Variants in VCAN observed in about 807,000 individuals in gnomAD.
VCAN encodes versican, also known as versican core protein.
A neutral mutation model predicts 245.5 loss-of-function variants in VCAN; 44 were observed. The ratio of observed to expected loss-of-function variants is 0.18; its 90% CI spans 0.14 to 0.23. The LOEUF is 0.23. Among genes scored for constraint, VCAN ranks in the 10% least tolerant of loss-of-function variants. The pLI, the probability that VCAN is intolerant of heterozygous loss-of-function variation, is 1.00. For synonymous variants in VCAN, 1,413 were observed against 1,437.0 expected (o/e 0.98, Z 0.38); for missense variants, 3,793 against 4,057.9 (o/e 0.93, Z 1.77).
chr5:83,534,723 T>C (rs531013700), intron 7 of VCAN, among the ~76,000 whole-genome samples: 1 of 152,236 alleles, frequency 6.6e-6, no homozygotes, highest in East Asian at 1.9e-4. Context: ...TTCAACTATA[T>C]TCAAATAGTT....
chr5:83,513,622 A>T (rs1171145856), intron 6 of VCAN, among the ~76,000 whole-genome samples: 2 of 152,228 alleles, frequency 1.3e-5, no homozygotes, highest in Admixed American at 6.5e-5. Flanking sequence ...CGCTCCATAA[A>T]GACTGTAGAA....
In VCAN at chr5:83,538,940, C is replaced by T; in HGVS notation, c.5937C>T (p.His1979=). 1 of 1,614,010 alleles carries T rather than the reference C, an allele frequency of 6.2e-7. No homozygotes were observed. Among genetic ancestry groups the T allele is most frequent in the South Asian group, 1.1e-5 (1 of 91,078 alleles). Residue 1979 remains histidine (H), a synonymous_variant, in exon 8 of 15, where the codon CAC becomes CAT. Coordinates refer to ENST00000265077, the MANE Select transcript of VCAN (RefSeq NM_004385.5). ...TSPSTVPTSV[H]ISHISDSEGP... ...CATCTACAGTACCTACTTCAGTTCA[C>T]ATCAGTCACATATCTGACTCAGAAG...
chr5:83,522,316 C>G lies in VCAN; in HGVS notation c.4003+7C>G, dbSNP rs1278586834. 1.9e-6 allele frequency: 3 copies of G among 1,597,926 alleles called. No individual in the cohort carries two copies. Among genetic ancestry groups the G allele is most frequent in the African/African-American group, 1.3e-5 (1 of 74,880 alleles). ...GTCAGAGAAAATAAGACAGGTAAGTCTTTGCTTTCTAGACTAGCATTGAAG... is the reference window on the plus strand; with the variant it reads ...GTCAGAGAAAATAAGACAGGTAAGTGTTTGCTTTCTAGACTAGCATTGAAG... On this transcript the variant is annotated splice_region_variant and intron_variant, in intron 7 of 14. Transcript: ENST00000265077.
chr5:83,540,567 G>T lies in VCAN; in HGVS notation c.7564G>T (p.Asp2522Tyr). 6.2e-7 allele frequency: 1 copy of T among 1,613,832 alleles called. No individual in the cohort carries two copies. The highest frequency in any genetic ancestry group is 8.5e-7 in the Non-Finnish European group (1 of 1,179,942). Residue 2522 changes from aspartate to tyrosine, a missense_variant, in exon 8 of 15, where the codon GAC becomes TAC. Around this residue, in one of 5 missense-constraint regions of VCAN, gnomAD observed 3,182 missense variants for 3,250.3 expected, o/e 0.98. Coordinates refer to ENST00000265077, the MANE Select transcript of VCAN (RefSeq NM_004385.5). ...YERSTDGSFQ[D>Y]RFREFEDSTL... ...GAGGTCCACAGACGGTAGTTTCCAA[G>T]ACCGTTTCAGGGAATTCGAGGATTC...
intron 5 of VCAN, among the ~76,000 whole-genome samples, chr5:83,495,147 A>T (rs1330775235): frequency 6.6e-6 from 1 of 152,202 alleles, no homozygotes; most frequent in Non-Finnish European, 1.5e-5. Flanking sequence ...ATATAAAAAG[A>T]ATGATCTGAA....
chr5:83,510,882 G>A (rs1245391900), intron 5 of VCAN, among the ~76,000 whole-genome samples: 1 of 152,130 alleles, frequency 6.6e-6, no homozygotes, highest in African/African-American at 2.4e-5. Context: ...TTGGGAGGCC[G>A]AGGCGGGTGG....
rs146794996 is a variant in VCAN at position 83,561,526 on chromosome 5, C to T, written c.9735+6488C>T. On this transcript the variant is annotated intron_variant, in intron 12 of 14. Coordinates refer to ENST00000265077, the MANE Select transcript of VCAN (RefSeq NM_004385.5). ...ATAGTTCAGCTTTGGCAACTTAATA[C>T]CTACAATTTCCAACACCCACTTGTC... Among the ~76,000 whole-genome samples, 4 of 152,204 alleles carry T rather than the reference C, an allele frequency of 2.6e-5. No individual in the cohort carries two copies. In the East Asian group the frequency reaches 7.7e-4, roughly 29 times the overall value.
At chr5:83,474,153 CAA>C (rs1340931037) in intron 1 of VCAN, among the ~76,000 whole-genome samples, 1 of 152,064 alleles carries the variant, frequency 6.6e-6, no homozygotes, top group Non-Finnish European at 1.5e-5. Context: ...GCTCCTAATC[CAA>C]AACTTAAACT....
intron 5 of VCAN, among the ~76,000 whole-genome samples, chr5:83,499,654 TAC>T (rs1745270052): frequency 6.6e-6 from 1 of 152,200 alleles, no homozygotes; most frequent in African/African-American, 2.4e-5. Flanking sequence ...TTCCCAGAGA[TAC>T]TCCTTTCTGG....
At chr5:83,481,456 T>G (rs558889383) in intron 1 of VCAN, among the ~76,000 whole-genome samples, 2 of 152,154 alleles carry the variant, frequency 1.3e-5, no homozygotes, top group African/African-American at 2.4e-5. Context: ...TTATTTTTCC[T>G]TAAAATATTG....
At chr5:83,528,989 TACACAC>T (rs58804437) in intron 7 of VCAN, among the ~76,000 whole-genome samples, 162 of 141,496 alleles carry the variant, frequency 1.1e-3, no homozygotes, top group African/African-American at 3.5e-3. Flanking sequence ...GAAACAAAGA[TACACAC>T]ACACACACAC....
At chr5:83,565,579 A>G (rs1748050293) in intron 12 of VCAN, among the ~76,000 whole-genome samples, 1 of 152,168 alleles carries the variant, frequency 6.6e-6, no homozygotes, top group South Asian at 2.1e-4. Context: ...GATTCTAAAC[A>G]GTGTCTGACT....
chr5:83,483,119 T>C (rs989590303), intron 1 of VCAN, among the ~76,000 whole-genome samples: 13 of 152,232 alleles, frequency 8.5e-5, no homozygotes, highest in African/African-American at 3.1e-4. Context: ...GCTGTCTGTT[T>C]CTAAATAGAC....
At position 83,542,169 on chromosome 5, in the gene VCAN, GCAA is replaced by G; in HGVS notation, c.9169_9171del (p.Thr3057del). 6.2e-7 allele frequency: 1 copy of G among 1,614,112 alleles called. No homozygotes were observed. The highest frequency in any genetic ancestry group is 8.5e-7 in the Non-Finnish European group (1 of 1,179,982). ...CCCTGTGGAATTTAATACTGAGGTT[GCAA>G]CACCACCATTTTCCCTTCTGGAGAC... On this transcript the variant is annotated inframe_deletion, in exon 8 of 15. Coordinates refer to ENST00000265077, the MANE Select transcript of VCAN (RefSeq NM_004385.5).
Position 83,540,221 on chromosome 5 carries a change from T to C in VCAN, c.7218T>C (p.Tyr2406=), listed in dbSNP as rs1402156295. 3.7e-6 allele frequency: 6 copies of C among 1,614,128 alleles called. No individual in the cohort carries two copies. Among genetic ancestry groups the C allele is most frequent in the Admixed American group, 1.7e-5 (1 of 60,002 alleles). The change falls in exon 8 of 15, where the codon TAT becomes TAC. Residue 2406 remains tyrosine (Y), a synonymous_variant. Coordinates refer to ENST00000265077, the MANE Select transcript of VCAN (RefSeq NM_004385.5). The part of the protein sequence containing the change: ...TSSTDFLARA[Y]GFEMAKEFVT... ...CTACTGATTTTCTGGCTAGAGCTTA[T>C]GGTTTTGAAATGGCCAAAGAATTTG...
chr5:83,537,205 A>G lies in VCAN; in HGVS notation c.4202A>G (p.Asp1401Gly). 1 of 1,613,738 alleles carries G rather than the reference A, an allele frequency of 6.2e-7. No individual in the cohort carries two copies. Among genetic ancestry groups the G allele is most frequent in the Non-Finnish European group, 8.5e-7 (1 of 1,179,902 alleles). The change falls in exon 8 of 15, where the codon GAT (aspartate) becomes GGT (glycine). Residue 1401 changes from aspartate to glycine, a missense_variant. Asp to Gly is a moderately conservative substitution (Grantham distance 94). Coordinates refer to ENST00000265077, the MANE Select transcript of VCAN (RefSeq NM_004385.5). ...GAAGAAGAGTGTGCAAATGCTACTG[A>G]TGTGACAACCACCCCATCTGTGCAG... ...EEEEECANATDVTTTPSVQYI... is the reference protein window; with the variant it reads ...EEEEECANATGVTTTPSVQYI...
At position 83,512,113 on chromosome 5, in the gene VCAN, C is replaced by G; in HGVS notation, c.759C>G (p.Phe253Leu). Reference protein sequence around the residue: ...CYVDHLDGDVFHLTVPSKFTF... With the variant: ...CYVDHLDGDVLHLTVPSKFTF... Reference sequence around the variant, plus strand: ...TTCTTTTTTTTCCAGGTGATGTGTTCCACCTCACTGTCCCCAGTAAATTCA... The same window carrying G: ...TTCTTTTTTTTCCAGGTGATGTGTTGCACCTCACTGTCCCCAGTAAATTCA... The change falls in exon 6 of 15, where the codon TTC becomes TTG. Residue 253 changes from phenylalanine to leucine, a missense_variant. By Grantham distance (22) the Phe-to-Leu change is conservative (BLOSUM62 0). This residue lies in a region of VCAN where 190 missense variants were observed against 288.6 expected (regional missense o/e 0.66). Coordinates refer to ENST00000265077, the MANE Select transcript of VCAN (RefSeq NM_004385.5). 1 of 1,614,108 alleles carries G rather than the reference C, an allele frequency of 6.2e-7. No homozygotes were observed. Among genetic ancestry groups the G allele is most frequent in the African/African-American group, 1.3e-5 (1 of 75,026 alleles).
In VCAN at chr5:83,519,962, G is replaced by A; in HGVS notation, c.1656G>A (p.Leu552=). ...LVTTGHYGFT[L]GEEDDEDRTL... is the part of the protein sequence containing the mutation. ...CCACAGGTCACTATGGATTCACCTT[G>A]GGAGAAGAGGATGATGAAGACAGAA... The change falls in exon 7 of 15, where the codon TTG becomes TTA. Residue 552 remains leucine (L), a synonymous_variant. Transcript: ENST00000265077. 1.9e-6 allele frequency: 3 copies of A among 1,614,068 alleles called. No individual in the cohort carries two copies. Among genetic ancestry groups the A allele is most frequent in the South Asian group, 2.2e-5 (2 of 91,066 alleles).
intron 9 of VCAN, 30 bp downstream of exon 9, chr5:83,545,680 G>A (rs372916564): frequency 5.3e-5 from 80 of 1,520,686 alleles, no homozygotes; most frequent in Non-Finnish European, 6.8e-5. Context: ...AAAAGGTGCA[G>A]TTCTTTCACA....
Sources: allele counts gnomAD v4.1 joint callset (sites outside exome capture counted in the v4.1 genomes callset), GRCh38; gene constraint gnomAD v4.1.1; regional missense constraint gnomAD v4.1.1; transcripts MANE v1.5; gene names NCBI Gene and HGNC (gene_info 2026-07-23, HGNC 2026-07-21).